NME7: variants seen among roughly 807,000 people sequenced by gnomAD.
The protein encoded by NME7 is NME/NM23 family member 7, also known as nucleoside diphosphate kinase 7.
NME7 carries 41 observed loss-of-function variants against 49.1 expected under a neutral mutation model. That is an observed-to-expected ratio of 0.83 (90% CI 0.65 to 1.08). NME7 has a LOEUF of 1.08. Ranked by LOEUF, NME7 falls within the 50% of genes least tolerant of loss-of-function variation. The probability of loss-of-function intolerance (pLI) is 0.00; values close to 1 mark genes in which losing one functional copy is unlikely to be tolerated. For missense variants in NME7, 423 were observed against 463.4 expected (o/e 0.91, Z 0.80); for synonymous variants, 139 against 150.6 (o/e 0.92, Z 0.56).
chr1:169,350,629 A>G (rs1035017056), intron 1 of NME7, among the ~76,000 whole-genome samples: 2 of 151,982 alleles, frequency 1.3e-5, no homozygotes, highest in African/African-American at 4.8e-5. Context: ...TTCACGTTGT[A>G]TATCTTTCTT....
intron 7 of NME7, 84 bp from the exon 8 acceptor site, chr1:169,237,771 G>T: frequency 4.0e-6 from 4 of 1,007,106 alleles, no homozygotes; most frequent in South Asian, 2.9e-5. Flanking sequence ...TTATAGCAAA[G>T]TACTTTTTGT....
chr1:169,159,335 C>T (rs145970809), intron 11 of NME7, among the ~76,000 whole-genome samples: 344 of 152,222 alleles, frequency 2.3e-3, no homozygotes, highest in African/African-American at 7.4e-3. Flanking sequence ...GATGGTATTA[C>T]GGAGTTGCCA....
At chr1:169,193,156 A>T (rs1370013203) in intron 10 of NME7, among the ~76,000 whole-genome samples, 1 of 152,084 alleles carries the variant, frequency 6.6e-6, no homozygotes, top group East Asian at 1.9e-4. Flanking sequence ...ACAAATAATA[A>T]TAATAATAAA....
chr1:169,304,626 T>C (rs944218457), intron 4 of NME7, among the ~76,000 whole-genome samples: 1 of 152,228 alleles, frequency 6.6e-6, no homozygotes, highest in Non-Finnish European at 1.5e-5. Context: ...AATTATTATA[T>C]TTATTCCTTA....
At chr1:169,344,444 T>G (rs10919146) in intron 1 of NME7, among the ~76,000 whole-genome samples, 17,345 of 152,140 alleles carry the variant, frequency 0.11, 1,041 homozygotes, top group Admixed American at 0.14. Flanking sequence ...AGAGCACACA[T>G]CCTAGCCTTG....
At chr1:169,308,634 C>T (rs866659915) in intron 4 of NME7, among the ~76,000 whole-genome samples, 1 of 152,072 alleles carries the variant, frequency 6.6e-6, no homozygotes, top group Non-Finnish European at 1.5e-5. Context: ...TGTCCAATAT[C>T]ATGGAAAAAT....
Position 169,310,098 on chromosome 1 carries a change from A to T in NME7, c.279-18T>A. On this transcript the variant is annotated intron_variant, in intron 3 of 11. Coordinates refer to ENST00000367811, the MANE Select transcript of NME7 (RefSeq NM_013330.5). Reference sequence around the variant, plus strand: ...CTAGCGTTCTATAAGGAAACAAAAAATAAGTTTGCAAATAAAAATAGTTCA... The same window carrying T: ...CTAGCGTTCTATAAGGAAACAAAAATTAAGTTTGCAAATAAAAATAGTTCA... The T allele has an allele frequency of 6.8e-7, 1 of 1,461,498 alleles. No individual in the cohort carries two copies. Among genetic ancestry groups the T allele is most frequent in the Non-Finnish European group, 9.4e-7 (1 of 1,060,344 alleles). The allele number at this position is 1,461,498 out of a possible 1,614,324, so 90.5% of individuals were successfully genotyped here.
At chr1:169,132,934 CT>C (rs1404478627) in intron 11 of NME7, 117 bp from the exon 12 acceptor site, 11 of 653,076 alleles carry the variant, frequency 1.7e-5, no homozygotes, top group Non-Finnish European at 2.9e-5. Context: ...CCCAAAGACA[CT>C]AAAAGTTAAT....
intron 10 of NME7, among the ~76,000 whole-genome samples, chr1:169,171,997 T>C (rs992749742): frequency 1.3e-5 from 2 of 152,110 alleles, no homozygotes; most frequent in Non-Finnish European, 2.9e-5. Context: ...TGCCTTAGGC[T>C]GTGGCTAAAA....
chr1:169,276,293 T>C (rs1276842080), intron 7 of NME7, among the ~76,000 whole-genome samples: 1 of 133,892 alleles, frequency 7.5e-6, no homozygotes, highest in Non-Finnish European at 1.8e-5. Flanking sequence ...TCTGGTACAA[T>C]TCGGCTGTGA....
chr1:169,314,969 T>C (rs920258846), intron 3 of NME7, among the ~76,000 whole-genome samples: 3 of 152,104 alleles, frequency 2.0e-5, no homozygotes, highest in Admixed American at 6.6e-5. Context: ...GGTCTCTTCA[T>C]AGTAATAAAA....
At chr1:169,174,416 CAAATT>C (rs1370386541) in intron 10 of NME7, among the ~76,000 whole-genome samples, 1 of 151,928 alleles carries the variant, frequency 6.6e-6, no homozygotes, top group Non-Finnish European at 1.5e-5. Context: ...ATTTAAGAAA[CAAATT>C]AAACTAGAAA....
intron 10 of NME7, among the ~76,000 whole-genome samples, chr1:169,179,414 C>T (rs1239284446): frequency 6.6e-6 from 1 of 152,094 alleles, no homozygotes; most frequent in East Asian, 1.9e-4. Context: ...TCCTCAAAGA[C>T]CTAGAGGCAG....
intron 1 of NME7, among the ~76,000 whole-genome samples, chr1:169,356,811 G>C (rs1266872889): frequency 1.3e-5 from 2 of 152,112 alleles, no homozygotes; most frequent in Admixed American, 1.3e-4. Flanking sequence ...GTAACTTTAG[G>C]GAATCAATGT....
At chr1:169,149,254 T>A (rs1043895826) in intron 11 of NME7, among the ~76,000 whole-genome samples, 1 of 152,198 alleles carries the variant, frequency 6.6e-6, no homozygotes, top group African/African-American at 2.4e-5. Context: ...GGCAGGAGAT[T>A]TGCTTGAACC....
At chr1:169,263,780 C>T (rs1649234384) in intron 7 of NME7, among the ~76,000 whole-genome samples, 1 of 131,786 alleles carries the variant, frequency 7.6e-6, no homozygotes, top group Non-Finnish European at 1.8e-5. Flanking sequence ...TCAAGATCAC[C>T]CCCAAGACAC....
Position 169,312,551 on chromosome 1 carries a change from C to T in NME7, c.279-2471G>A, listed in dbSNP as rs114710647. On this transcript the variant is annotated intron_variant, in intron 3 of 11. Transcript: ENST00000367811. ...AAGATTAAAACTTCTTAGCAATACA[C>T]GGTAACTACTTCTTGTGAAAAAACA... 2.7e-3 allele frequency among the ~76,000 whole-genome samples: 415 copies of T among 152,280 alleles called. 2 individuals are homozygous for T. Among genetic ancestry groups the T allele is most frequent in the African/African-American group, 9.1e-3 (378 of 41,546 alleles).
intron 10 of NME7, among the ~76,000 whole-genome samples, chr1:169,176,943 T>G (rs187413294): frequency 5.3e-5 from 8 of 152,300 alleles, no homozygotes; most frequent in African/African-American, 1.9e-4. Context: ...TCTTTTTTTC[T>G]AAATACATTT....
intron 10 of NME7, among the ~76,000 whole-genome samples, chr1:169,198,839 G>A (rs1159364586): frequency 2.0e-5 from 3 of 152,120 alleles, no homozygotes; most frequent in Non-Finnish European, 4.4e-5. Context: ...ATATTGGTAT[G>A]TGAATTACAC....
Sources: gnomAD v4.1 joint callset for allele counts (sites outside exome capture counted in the v4.1 genomes callset) on GRCh38, gnomAD v4.1.1 for gene constraint, MANE v1.5 for transcripts, NCBI Gene and HGNC (gene_info 2026-07-23, HGNC 2026-07-21) for gene names.